Variants in LRFN5 observed in about 807,000 individuals in gnomAD.
LRFN5 encodes leucine-rich repeat and fibronectin type-III domain-containing protein 5.
LRFN5 carries 24 observed loss-of-function variants against 45.6 expected under a neutral mutation model. The ratio of observed to expected loss-of-function variants is 0.53; its 90% CI spans 0.38 to 0.74. The LOEUF is 0.74. LRFN5 is among the 30% of genes least tolerant of loss of function. The pLI is 0.00. For synonymous variants in LRFN5, 340 were observed against 313.8 expected, an observed-to-expected ratio of 1.08 and a Z score of -0.88; for missense variants, 776 against 861.5, an observed-to-expected ratio of 0.90 and a Z score of 1.24.
chr14:41,647,104 A>G (rs1879852818), intron 1 of LRFN5, among the ~76,000 whole-genome samples: 1 of 152,212 alleles, frequency 6.6e-6, no homozygotes, highest in South Asian at 2.1e-4. Flanking sequence ...AAGTCTTATC[A>G]AGTTCCCCTG....
In LRFN5 at chr14:41,886,769, C is replaced by T. The variant is rs755338836; in HGVS notation, c.144C>T (p.Asn48=). The T allele has an allele frequency of 3.1e-6, 5 of 1,614,058 alleles. No homozygotes were observed. The highest frequency in any genetic ancestry group is 3.4e-6 in the Non-Finnish European group (4 of 1,180,008). The change falls in exon 3 of 6, where the codon AAC becomes AAT. Residue 48 remains asparagine (N), a synonymous_variant. Coordinates refer to ENST00000298119, the MANE Select transcript of LRFN5 (RefSeq NM_152447.5). The part of the protein sequence containing the change: ...AKKGLLFVPP[N]IDRRTVELRL... ...AAGGGCTTTTATTTGTTCCACCAAA[C>T]ATTGACAGAAGAACTGTGGAACTGC...
chr14:41,771,932 T>C (rs1408642344), intron 2 of LRFN5, among the ~76,000 whole-genome samples: 2 of 152,186 alleles, frequency 1.3e-5, no homozygotes, highest in African/African-American at 4.8e-5. Context: ...TGTATCACTA[T>C]AAAGAAATGT....
At chr14:41,701,025 A>T (rs1710948963) in intron 1 of LRFN5, 1 of 152,142 alleles carries the variant, frequency 6.6e-6, no homozygotes, top group African/African-American at 2.4e-5. Flanking sequence ...CTCCCTCCAA[A>T]ATGTTAGCTC....
intron 1 of LRFN5, among the ~76,000 whole-genome samples, chr14:41,706,092 C>A (rs1883052856): frequency 6.6e-6 from 1 of 151,854 alleles, no homozygotes. Context: ...AACAAAGTTC[C>A]GGAACTTTTT....
chr14:41,836,559 A>G (rs1455043091), intron 2 of LRFN5, among the ~76,000 whole-genome samples: 2 of 152,056 alleles, frequency 1.3e-5, no homozygotes, highest in Non-Finnish European at 2.9e-5. Flanking sequence ...GTTGCTTTTG[A>G]TTTGGGGAGT....
intron 2 of LRFN5, among the ~76,000 whole-genome samples, chr14:41,814,466 T>G (rs1221387785): frequency 6.6e-6 from 1 of 152,202 alleles, no homozygotes; most frequent in Non-Finnish European, 1.5e-5. Context: ...AAAGATTTAC[T>G]GGTAGTACCC....
In LRFN5 at chr14:41,886,629, GA is replaced by G; in HGVS notation, c.10del (p.Ile4PhefsTer10). Reference protein sequence around the residue: MEKILFYLFLIG... With the variant: MXKILFYLFLIG... ...AGGCTCTTAAACCTGATCTACAATG[GA>G]AAAAATTCTTTTTTATCTGTTTCTC... On this transcript the variant is annotated frameshift_variant, in exon 3 of 6. Coordinates refer to ENST00000298119, the MANE Select transcript of LRFN5 (RefSeq NM_152447.5). LOFTEE classifies it high-confidence loss of function. 6.4e-7 allele frequency: 1 copy of G among 1,573,952 alleles called. No homozygotes were observed. Among genetic ancestry groups the G allele is most frequent in the Non-Finnish European group, 8.6e-7 (1 of 1,165,150 alleles).
At chr14:41,847,720 T>C (rs1190154373) in intron 2 of LRFN5, among the ~76,000 whole-genome samples, 2 of 152,100 alleles carry the variant, frequency 1.3e-5, no homozygotes, top group African/African-American at 4.8e-5. Flanking sequence ...TTTTGTTCAT[T>C]TTAACATTTT....
intron 1 of LRFN5, among the ~76,000 whole-genome samples, chr14:41,696,942 T>G (rs1882638901): frequency 1.3e-5 from 2 of 151,984 alleles, no homozygotes; most frequent in Non-Finnish European, 2.9e-5. Flanking sequence ...CTACCTTGAA[T>G]CCTGGAGTAA....
chr14:41,653,485 A>T (rs181768246), intron 1 of LRFN5, among the ~76,000 whole-genome samples: 335 of 152,258 alleles, frequency 2.2e-3, no homozygotes, highest in Non-Finnish European at 2.7e-3. Context: ...ATAAGCCAAC[A>T]TGCAGTTTTT....
rs1004497005 is a variant in LRFN5 at position 41,844,266 on chromosome 14, T to C, written c.-20-42340T>C. On this transcript the variant is annotated intron_variant, in intron 2 of 5. Coordinates refer to ENST00000298119, the MANE Select transcript of LRFN5 (RefSeq NM_152447.5). ...TCCTGGCTAACATGGTGAAACCCCG[T>C]CTCTACTAAAAATACAAAAAATTAG... Among the ~76,000 whole-genome samples, 13 of 151,926 alleles carry C rather than the reference T, an allele frequency of 8.6e-5. 1 individual carries two copies. Among genetic ancestry groups the C allele is most frequent in the Admixed American group, 5.9e-4 (9 of 15,234 alleles).
intron 2 of LRFN5, among the ~76,000 whole-genome samples, chr14:41,792,585 A>G (rs1886964399): frequency 6.6e-6 from 1 of 151,980 alleles, no homozygotes; most frequent in African/African-American, 2.4e-5. Flanking sequence ...AAAACAATTT[A>G]GCAATATCTG....
rs549665842 is a variant in LRFN5 at position 41,674,322 on chromosome 14, C to CG, written c.-197+65766dup. 1.8e-3 allele frequency among the ~76,000 whole-genome samples: 241 copies of CG among 134,244 alleles called. 6 individuals are homozygous for CG. Among genetic ancestry groups the CG allele is most frequent in the African/African-American group, 6.4e-3 (217 of 34,116 alleles). The allele number at this position is 134,244 out of a possible 152,430, so 88.1% of individuals were successfully genotyped here. ...CTCCCGGACGGGGCGGCTGGCCGGG[C>CG]GGGGGGCCGACCCCCCCACCTCCCT... On this transcript the variant is annotated intron_variant, in intron 1 of 5. Coordinates refer to ENST00000298119, the MANE Select transcript of LRFN5 (RefSeq NM_152447.5).
chr14:41,620,878 A>G (rs1274900964), intron 1 of LRFN5, among the ~76,000 whole-genome samples: 1 of 152,020 alleles, frequency 6.6e-6, no homozygotes, highest in Non-Finnish European at 1.5e-5. Flanking sequence ...GGGCAATTTA[A>G]AACCAAGATA....
intron 1 of LRFN5, among the ~76,000 whole-genome samples, chr14:41,719,148 C>T (rs61990342): frequency 0.16 from 23,565 of 151,998 alleles, 2,176 homozygotes; most frequent in Non-Finnish European, 0.22. Flanking sequence ...ATGCAAAACA[C>T]GAAAAGAGAC....
intron 1 of LRFN5, among the ~76,000 whole-genome samples, chr14:41,614,786 G>A (rs1048655500): frequency 2.0e-5 from 3 of 152,006 alleles, no homozygotes; most frequent in Non-Finnish European, 4.4e-5. Flanking sequence ...ACGGTCTGGA[G>A]GTTTCAGTGA....
At chr14:41,638,445 A>C (rs772479478) in intron 1 of LRFN5, among the ~76,000 whole-genome samples, 1 of 152,118 alleles carries the variant, frequency 6.6e-6, no homozygotes, top group Non-Finnish European at 1.5e-5. Context: ...TTATTGCTTA[A>C]ATATACTTTT....
rs75083572 is a variant in LRFN5, at chr14:41,748,137, A to G, written c.-196-18717A>G. ...AGATAGTTCCTCAAAATATTAAAAT[A>G]GAACTACTGTGATTCAGTAATTCCA... is the stretch of plus-strand genomic sequence containing the variant. On this transcript the variant is annotated intron_variant, in intron 1 of 5. Coordinates refer to ENST00000298119, the MANE Select transcript of LRFN5 (RefSeq NM_152447.5). 3.2e-4 allele frequency among the ~76,000 whole-genome samples: 48 copies of G among 152,224 alleles called. 2 individuals are homozygous for G. In the East Asian group the frequency reaches 9.1e-3, roughly 29 times the overall value.
chr14:41,806,836 C>T lies in LRFN5; in HGVS notation c.-21+39807C>T, dbSNP rs1465376690. On this transcript the variant is annotated intron_variant, in intron 2 of 5. Transcript: ENST00000298119. ...CTGATGAAGACGTCTCATCAGCTTACTGCTGGCCTGGACAGCTCCTTTTTT... is the reference window on the plus strand; with the variant it reads ...CTGATGAAGACGTCTCATCAGCTTATTGCTGGCCTGGACAGCTCCTTTTTT... Among the ~76,000 whole-genome samples, 3 of 152,312 alleles carry T rather than the reference C, an allele frequency of 2.0e-5. No homozygotes were observed. The East Asian group carries it at 5.8e-4, about 29-fold the overall frequency.
Sources: allele counts gnomAD v4.1 joint callset (sites outside exome capture counted in the v4.1 genomes callset), GRCh38; gene constraint gnomAD v4.1.1; transcripts MANE v1.5; gene names NCBI Gene and HGNC (gene_info 2026-07-23, HGNC 2026-07-21).